PM20D2: variants seen among roughly 807,000 people sequenced by gnomAD.
PM20D2 encodes the protein xaa-Arg dipeptidase.
Under a neutral mutation model 42.9 loss-of-function variants are expected in PM20D2, and 33 were observed. That is an observed-to-expected ratio of 0.77 (90% CI 0.58 to 1.03). The LOEUF (loss-of-function observed/expected upper bound fraction) is 1.03, where lower values mean the gene tolerates loss of function less well. Among genes scored for constraint, PM20D2 ranks in the 50% least tolerant of loss-of-function variants. The pLI, the probability that PM20D2 is intolerant of heterozygous loss-of-function variation, is 0.00. For synonymous variants in PM20D2, 250 were observed against 228.2 expected (o/e 1.10, Z -0.86); for missense variants, 548 against 557.0 (o/e 0.98, Z 0.16).
At chr6:89,103,047 A>C in the PM20D2 span, among the ~76,000 whole-genome samples, 1 of 152,164 alleles carries the variant, frequency 6.6e-6, no homozygotes, top group Non-Finnish European at 1.5e-5. Flanking sequence ...CACAGGTGTG[A>C]GCCACTGCAC....
chr6:89,136,677 CA>C, the PM20D2 span, among the ~76,000 whole-genome samples: 7 of 144,982 alleles, frequency 4.8e-5, no homozygotes, highest in Admixed American at 6.8e-5. Context: ...GACTCCGTCT[CA>C]AAAAAAAAAA....
At chr6:89,142,805 G>A (rs564774832), upstream of PM20D2, among the ~76,000 whole-genome samples, 3 of 152,096 alleles carry the variant, frequency 2.0e-5, no homozygotes, top group East Asian at 1.9e-4. Flanking sequence ...CTACAGGTGC[G>A]TGCCACCACG....
In PM20D2 at chr6:89,162,133, C is replaced by T; in HGVS notation, c.1181C>T (p.Thr394Ile). The T allele has an allele frequency of 6.2e-7, 1 of 1,613,866 alleles. No individual in the cohort carries two copies. Among genetic ancestry groups the T allele is most frequent in the Non-Finnish European group, 8.5e-7 (1 of 1,179,942 alleles). ...GGGTCACAGGAAGCTCAGTTCTACA[C>T]TCTGCGGACGGCCAAAGCTCTGGCA... ...AAGSQEAQFYTLRTAKALAMT... is the reference protein window; with the variant it reads ...AAGSQEAQFYILRTAKALAMT... Residue 394 changes from threonine to isoleucine, a missense_variant, in exon 7 of 7, where the codon ACT becomes ATT. Coordinates refer to ENST00000275072, the MANE Select transcript of PM20D2 (RefSeq NM_001010853.3).
the PM20D2 span, among the ~76,000 whole-genome samples, chr6:89,118,389 G>T: frequency 8.5e-5 from 13 of 152,356 alleles, 1 homozygote; most frequent in African/African-American, 3.1e-4. Flanking sequence ...GGCCCTCAGC[G>T]CATCGTCCTG....
chr6:89,097,176 A>G, the PM20D2 span: 5 of 152,236 alleles, frequency 3.3e-5, no homozygotes, highest in African/African-American at 1.2e-4. Context: ...TACTAAAAAT[A>G]TAAGACAGAT....
chr6:89,128,481 T>C, the PM20D2 span, among the ~76,000 whole-genome samples: 1 of 147,490 alleles, frequency 6.8e-6, no homozygotes, highest in African/African-American at 2.7e-5. Context: ...CATAGACCCT[T>C]ATCAGTAGTT....
the PM20D2 span, chr6:89,097,116 A>G: frequency 6.6e-6 from 1 of 152,222 alleles, no homozygotes. Context: ...ATATGCAAAG[A>G]AAACTGGAAT....
chr6:89,104,609 G>T, the PM20D2 span, among the ~76,000 whole-genome samples: 1 of 151,770 alleles, frequency 6.6e-6, no homozygotes, highest in African/African-American at 2.4e-5. Flanking sequence ...ATAAAGTTAA[G>T]TCTGTAACTT....
the PM20D2 span, chr6:89,099,003 A>G: frequency 4.6e-6 from 7 of 1,519,592 alleles, no homozygotes; most frequent in East Asian, 6.9e-5. Context: ...GAGATCAGGA[A>G]ATAACACTTT....
the PM20D2 span, chr6:89,117,754 C>G: frequency 2.6e-4 from 384 of 1,460,490 alleles, no homozygotes; most frequent in African/African-American, 5.1e-3. Context: ...GGGCCTCGGC[C>G]GTGCTCCGCG....
At chr6:89,115,700 G>C in the PM20D2 span, among the ~76,000 whole-genome samples, 2 of 148,116 alleles carry the variant, frequency 1.4e-5, no homozygotes, top group African/African-American at 5.1e-5. Context: ...GCAGTGGCGC[G>C]ATGTTGGCTC....
the PM20D2 span, among the ~76,000 whole-genome samples, chr6:89,094,225 ATTTTT>A: frequency 2.1e-5 from 3 of 144,502 alleles, no homozygotes; most frequent in East Asian, 4.1e-4. Flanking sequence ...CGGCCTCTTT[ATTTTT>A]TTTTATTTTT....
upstream of PM20D2, among the ~76,000 whole-genome samples, chr6:89,143,301 G>A (rs75094197): frequency 6.4e-3 from 977 of 152,212 alleles, 10 homozygotes; most frequent in East Asian, 0.053. Context: ...TGCTTTTCCA[G>A]GGTAAAGGAA....
At chr6:89,099,036 A>G in the PM20D2 span, 2 of 1,414,392 alleles carry the variant, frequency 1.4e-6, no homozygotes, top group Non-Finnish European at 1.9e-6. Context: ...TACTTTACAT[A>G]ACATTAGTTA....
chr6:89,133,552 G>A, the PM20D2 span, among the ~76,000 whole-genome samples: 1 of 151,046 alleles, frequency 6.6e-6, no homozygotes, highest in South Asian at 2.1e-4. Context: ...CCTCCTTTAT[G>A]CCTGCTATAT....
the PM20D2 span, chr6:89,098,924 T>A: frequency 6.2e-7 from 1 of 1,613,670 alleles, no homozygotes; most frequent in Non-Finnish European, 8.5e-7. Flanking sequence ...AGACTGGCTA[T>A]AAGAAAATCG....
the PM20D2 span, among the ~76,000 whole-genome samples, chr6:89,124,741 T>G: frequency 7.0e-6 from 1 of 142,098 alleles, no homozygotes; most frequent in Non-Finnish European, 1.5e-5. Flanking sequence ...TTGTTGTTTT[T>G]TTTTTTTTTT....
In PM20D2 at chr6:89,162,136, T is replaced by C; in HGVS notation, c.1184T>C (p.Leu395Pro). 1 of 1,614,142 alleles carries C rather than the reference T, an allele frequency of 6.2e-7. No homozygotes were observed. The highest frequency in any genetic ancestry group is 1.3e-5 in the African/African-American group (1 of 75,062). The change falls in exon 7 of 7, where the codon CTG becomes CCG. Residue 395 changes from leucine to proline, a missense_variant. Physicochemically the swap from Leu to Pro is moderately conservative, Grantham distance 98 (BLOSUM62 -3). Around this residue, in one of 3 missense-constraint regions of PM20D2, gnomAD observed 71 missense variants for 69.7 expected, o/e 1.02. Transcript: ENST00000275072. ...TCACAGGAAGCTCAGTTCTACACTC[T>C]GCGGACGGCCAAAGCTCTGGCAATG... Reference protein sequence around the residue: ...AGSQEAQFYTLRTAKALAMTA... With the variant: ...AGSQEAQFYTPRTAKALAMTA...
At chr6:89,098,526 G>A in the PM20D2 span, 1 of 1,518,414 alleles carries the variant, frequency 6.6e-7, no homozygotes, top group Non-Finnish European at 8.8e-7. Context: ...TTAACATAAT[G>A]AGAGTTTAAT....
Sources: allele counts gnomAD v4.1 joint callset (sites outside exome capture counted in the v4.1 genomes callset), GRCh38; gene constraint gnomAD v4.1.1; regional missense constraint gnomAD v4.1.1; transcripts MANE v1.5; gene names NCBI Gene and HGNC (gene_info 2026-07-23, HGNC 2026-07-21).